The following SGCG variants were observed in gnomAD, a reference collection of about 807,000 sequenced individuals.
SGCG encodes gamma-sarcoglycan.
Under a neutral mutation model 29.3 loss-of-function variants are expected in SGCG, and 26 were observed. That is an observed-to-expected ratio of 0.89 (90% CI 0.65 to 1.23). The LOEUF is 1.23. SGCG is among the 50% of genes most tolerant of loss of function. The pLI is 0.00. For missense variants in SGCG, 353 were observed against 356.0 expected, an observed-to-expected ratio of 0.99 and a Z score of 0.07; for synonymous variants, 145 against 129.7, an observed-to-expected ratio of 1.12 and a Z score of -0.80.
At chr13:23,189,877 C>T (rs370254368) in intron 1 of SGCG, among the ~76,000 whole-genome samples, 1 of 152,176 alleles carries the variant, frequency 6.6e-6, no homozygotes, top group Non-Finnish European at 1.5e-5. Context: ...CCTTCACCCC[C>T]CTGCCCGCTC....
At chr13:23,168,035 C>T in the SGCG span, among the ~76,000 whole-genome samples, 1 of 152,302 alleles carries the variant, frequency 6.6e-6, no homozygotes, top group South Asian at 2.1e-4. Context: ...CTGCGCCTCG[C>T]TCCCTTGCCC....
chr13:23,165,352 A>G, the SGCG span, among the ~76,000 whole-genome samples: 1 of 152,298 alleles, frequency 6.6e-6, no homozygotes, highest in African/African-American at 2.4e-5. Context: ...ATTATGTTAT[A>G]TATGAGATAA....
intron 3 of SGCG, among the ~76,000 whole-genome samples, chr13:23,242,095 T>G (rs957580791): frequency 6.6e-6 from 1 of 152,174 alleles, no homozygotes; most frequent in Non-Finnish European, 1.5e-5. Context: ...GAAGGGACAC[T>G]GCTATGAATC....
rs201480793 is a variant in SGCG at position 23,314,382 on chromosome 13, T to TTATATA, written c.579-6234_579-6229dup. Among the ~76,000 whole-genome samples the TTATATA allele has an allele frequency of 1.7e-3, 136 of 78,590 alleles. 4 individuals carry two copies. Among genetic ancestry groups the TTATATA allele is most frequent in the Admixed American group, 3.4e-3 (27 of 7,860 alleles). 51.6% of individuals were successfully genotyped at this position (78,590 alleles called of 152,430 possible). On this transcript the variant is annotated intron_variant, in intron 6 of 7. Transcript: ENST00000218867. The stretch of plus-strand genomic sequence containing the variant: ...TAAATGAAATGATGTCTGCTATAGG[T>TTATATA]TATATATATATATATATATATATAT...
intron 6 of SGCG, among the ~76,000 whole-genome samples, chr13:23,312,793 A>G (rs981102212): frequency 2.1e-5 from 3 of 143,006 alleles, no homozygotes; most frequent in African/African-American, 7.7e-5. Context: ...TTTCTTTTAT[A>G]TTAAATTGTT....
intron 6 of SGCG, among the ~76,000 whole-genome samples, chr13:23,313,779 T>G (rs188045493): frequency 1.7e-3 from 266 of 152,334 alleles, no homozygotes; most frequent in African/African-American, 6.0e-3. Flanking sequence ...ATTCAAAGTA[T>G]TGATCCTGGT....
intron 5 of SGCG, among the ~76,000 whole-genome samples, chr13:23,292,072 T>C (rs536923677): frequency 9.3e-4 from 141 of 152,078 alleles, no homozygotes; most frequent in African/African-American, 3.3e-3. Flanking sequence ...CAAAAGCTTC[T>C]CTAGTGCCAA....
chr13:23,234,590 T>C lies in SGCG; in HGVS notation c.196-21T>C. 5 of 1,514,198 alleles carry C rather than the reference T, an allele frequency of 3.3e-6. 1 individual carries two copies. In the South Asian group the frequency reaches 4.5e-5, roughly 14 times the overall value. The allele number at this position is 1,514,198 out of a possible 1,614,324, so 93.8% of individuals were successfully genotyped here. ...GCAAGCAATAAAAATATACGCATTG[T>C]CTCTTTTTTTTTTTTAACAGGCAGG... On this transcript the variant is annotated intron_variant, in intron 2 of 7. Coordinates refer to ENST00000218867, the MANE Select transcript of SGCG (RefSeq NM_000231.3).
intron 7 of SGCG, among the ~76,000 whole-genome samples, chr13:23,323,773 G>T (rs923884385): frequency 4.6e-5 from 7 of 152,166 alleles, no homozygotes; most frequent in Non-Finnish European, 7.3e-5. Context: ...TTAGGGAAAT[G>T]GTTGCCAGCT....
chr13:23,295,929 C>T (rs1448734593), intron 6 of SGCG, among the ~76,000 whole-genome samples: 2 of 152,224 alleles, frequency 1.3e-5, no homozygotes, highest in African/African-American at 2.4e-5. Flanking sequence ...ACTGCCATAT[C>T]CTCGCCCACC....
intron 6 of SGCG, among the ~76,000 whole-genome samples, chr13:23,316,315 T>C (rs1424629795): frequency 2.0e-5 from 3 of 152,224 alleles, no homozygotes; most frequent in Admixed American, 1.3e-4. Flanking sequence ...CTACTATCTG[T>C]AGACTCATGG....
chr13:23,263,198 T>A (rs1257778024), intron 4 of SGCG, among the ~76,000 whole-genome samples: 2 of 151,804 alleles, frequency 1.3e-5, no homozygotes, highest in African/African-American at 4.8e-5. Context: ...AAACAAAATC[T>A]GACTTTTTGA....
At chr13:23,310,135 G>A (rs1169225860) in intron 6 of SGCG, among the ~76,000 whole-genome samples, 15 of 140,714 alleles carry the variant, frequency 1.1e-4, no homozygotes, top group Non-Finnish European at 1.5e-4. Context: ...TGCCCAGGCT[G>A]GAGTGCAGTG....
chr13:23,188,418 C>T (rs961866742), intron 1 of SGCG, among the ~76,000 whole-genome samples: 3 of 143,926 alleles, frequency 2.1e-5, no homozygotes, highest in African/African-American at 2.5e-5. Flanking sequence ...CTCCACCTCC[C>T]AGGTTCAAGC....
In SGCG at chr13:23,203,679, A is replaced by G. The variant is rs1370281429; in HGVS notation, c.1-16A>G. On this transcript the variant is annotated splice_polypyrimidine_tract_variant and intron_variant, in intron 1 of 7. Transcript: ENST00000218867. The stretch of plus-strand genomic sequence containing the variant: ...TGTCTCTTTCTCTCTCCTCTCGTGA[A>G]CACACTCCGTGGCAGATGGTGCGTG... 1 of 1,602,186 alleles carries G rather than the reference A, an allele frequency of 6.2e-7. No individual in the cohort carries two copies. The highest frequency in any genetic ancestry group is 1.1e-5 in the South Asian group (1 of 90,100).
chr13:23,305,755 T>C (rs968438165), intron 6 of SGCG, among the ~76,000 whole-genome samples: 1 of 152,250 alleles, frequency 6.6e-6, no homozygotes, highest in Admixed American at 6.5e-5. Context: ...TAGTCATGTA[T>C]GTCTCTTAGA....
intron 4 of SGCG, among the ~76,000 whole-genome samples, chr13:23,256,477 C>A (rs1399086248): frequency 1.3e-5 from 2 of 152,088 alleles, no homozygotes; most frequent in Non-Finnish European, 2.9e-5. Context: ...TTGCTGCACC[C>A]ATTAACTCGT....
chr13:23,225,460 C>T (rs1208365206), intron 2 of SGCG, among the ~76,000 whole-genome samples: 4 of 152,128 alleles, frequency 2.6e-5, no homozygotes, highest in Admixed American at 6.5e-5. Flanking sequence ...TCCACTTGGA[C>T]TCATAATTTC....
chr13:23,279,680 C>T (rs1487480454), intron 5 of SGCG, among the ~76,000 whole-genome samples: 1 of 143,668 alleles, frequency 7.0e-6, no homozygotes, highest in Non-Finnish European at 1.6e-5. Context: ...CTTGGCCCAC[C>T]CTTCTTCCAT....
Sources: gnomAD v4.1 joint callset for allele counts (sites outside exome capture counted in the v4.1 genomes callset) on GRCh38, gnomAD v4.1.1 for gene constraint, MANE v1.5 for transcripts, NCBI Gene and HGNC (gene_info 2026-07-23, HGNC 2026-07-21) for gene names.